The following LRRTM4 variants were observed in gnomAD, a reference collection of about 807,000 sequenced individuals.
The protein encoded by LRRTM4 is leucine rich repeat transmembrane neuronal 4.
Under a neutral mutation model 47.6 loss-of-function variants are expected in LRRTM4, and 25 were observed. That is an observed-to-expected ratio of 0.53 (90% CI 0.38 to 0.73). The LOEUF (loss-of-function observed/expected upper bound fraction) is 0.73, where lower values mean the gene tolerates loss of function less well. Among genes scored for constraint, LRRTM4 ranks in the 30% least tolerant of loss-of-function variants. LRRTM4 has a pLI of 0.00. For missense variants in LRRTM4, 638 were observed against 713.4 expected, an observed-to-expected ratio of 0.89 and a Z score of 1.20; for synonymous variants, 311 against 269.5, an observed-to-expected ratio of 1.15 and a Z score of -1.51.
chr2:77,291,777 T>A (rs1676829978), intron 3 of LRRTM4, among the ~76,000 whole-genome samples: 1 of 152,054 alleles, frequency 6.6e-6, no homozygotes, highest in Admixed American at 6.6e-5. Flanking sequence ...CCCATTTGAT[T>A]ACTTCTCTAA....
In LRRTM4 at chr2:77,519,169, T is replaced by C. The variant is rs889397358; in HGVS notation, c.700A>G (p.Ile234Val). 4 of 1,613,108 alleles carry C rather than the reference T, an allele frequency of 2.5e-6. No individual in the cohort carries two copies. The highest frequency in any genetic ancestry group is 1.3e-5 in the African/African-American group (1 of 74,862). ...HFPRLFNLRS[I>V]YLQWNRIRSI... ...CGAATCCTGTTCCATTGTAAGTAAA[T>C]TGAGCGGAGGTTGAAGAGACGTGGA... Residue 234 changes from isoleucine to valine, a missense_variant, in exon 3 of 4, where the codon ATT (isoleucine) becomes GTT (valine). Transcript: ENST00000409884. The surrounding 1 kb of genome is among the most constrained non-coding windows in gnomAD (Gnocchi z 4.6).
At chr2:77,445,618 C>T (rs546727439) in intron 3 of LRRTM4, among the ~76,000 whole-genome samples, 22 of 152,146 alleles carry the variant, frequency 1.4e-4, no homozygotes, top group African/African-American at 4.6e-4. Context: ...TGGAAATAAG[C>T]TTAACATGCT....
chr2:76,863,196 G>T (rs1367367728), intron 3 of LRRTM4, among the ~76,000 whole-genome samples: 1 of 152,118 alleles, frequency 6.6e-6, no homozygotes, highest in Non-Finnish European at 1.5e-5. Flanking sequence ...CAGCTACCAA[G>T]AGCCAGGTAC....
chr2:77,183,270 G>C (rs1056949885), intron 3 of LRRTM4, among the ~76,000 whole-genome samples: 3 of 152,112 alleles, frequency 2.0e-5, no homozygotes, highest in Admixed American at 2.0e-4. Context: ...CGTGGGTGAA[G>C]GATATGAACA....
At chr2:77,036,883 A>C (rs773163324) in intron 3 of LRRTM4, among the ~76,000 whole-genome samples, 16 of 151,886 alleles carry the variant, frequency 1.1e-4, no homozygotes, top group Non-Finnish European at 1.6e-4. Context: ...CTGATCAAGA[A>C]AGACATATAG....
intron 3 of LRRTM4, among the ~76,000 whole-genome samples, chr2:76,848,247 A>G (rs1016563181): frequency 2.0e-5 from 3 of 152,164 alleles, no homozygotes; most frequent in Non-Finnish European, 2.9e-5. Flanking sequence ...ATTTTCCAAC[A>G]TACTAAACAC....
rs144851332 is a variant in LRRTM4 at position 76,888,927 on chromosome 2, T to C, written c.1552-140011A>G. 3.9e-3 allele frequency among the ~76,000 whole-genome samples: 597 copies of C among 152,040 alleles called. 1 individual carries two copies. The highest frequency in any genetic ancestry group is 0.014 in the African/African-American group (572 of 41,560). Reference sequence around the variant, plus strand: ...GACTAAATTATTCAATTAAGACATGTTATGAATCTAAAGTTCCTATATAAA... The same window carrying C: ...GACTAAATTATTCAATTAAGACATGCTATGAATCTAAAGTTCCTATATAAA... On this transcript the variant is annotated intron_variant, in intron 3 of 3. Coordinates refer to ENST00000409884, the MANE Select transcript of LRRTM4 (RefSeq NM_001134745.3).
chr2:76,957,478 A>T (rs777106935), intron 3 of LRRTM4, among the ~76,000 whole-genome samples: 2 of 151,804 alleles, frequency 1.3e-5, no homozygotes, highest in East Asian at 3.9e-4. Flanking sequence ...GCTTTACTTG[A>T]TTTTAAAATC....
chr2:76,770,858 T>A (rs1427431304), intron 3 of LRRTM4, among the ~76,000 whole-genome samples: 1 of 152,202 alleles, frequency 6.6e-6, no homozygotes, highest in Non-Finnish European at 1.5e-5. Context: ...GGAGAGCTTT[T>A]CTAGGTCAAC....
At chr2:77,075,075 GATTTA>G (rs898075322) in intron 3 of LRRTM4, among the ~76,000 whole-genome samples, 1 of 152,022 alleles carries the variant, frequency 6.6e-6, no homozygotes, top group African/African-American at 2.4e-5. Flanking sequence ...AAAAATTTAA[GATTTA>G]TTTTATTTTA....
chr2:77,060,387 A>T (rs1679747453), intron 3 of LRRTM4, among the ~76,000 whole-genome samples: 1 of 152,164 alleles, frequency 6.6e-6, no homozygotes, highest in African/African-American at 2.4e-5. Flanking sequence ...AAGAATTCAG[A>T]TTAAATGTCC....
chr2:77,003,495 C>G (rs564891488), intron 3 of LRRTM4, among the ~76,000 whole-genome samples: 10 of 152,208 alleles, frequency 6.6e-5, no homozygotes, highest in African/African-American at 2.2e-4. Flanking sequence ...CTCAAGAGAT[C>G]TGATGGTTTT....
intron 3 of LRRTM4, among the ~76,000 whole-genome samples, chr2:76,971,240 G>A (rs1398114397): frequency 6.6e-6 from 1 of 151,994 alleles, no homozygotes; most frequent in Non-Finnish European, 1.5e-5. Flanking sequence ...TCTGTAGTTT[G>A]TTAAAAATGT....
chr2:76,986,237 C>A (rs1003159370), intron 3 of LRRTM4, among the ~76,000 whole-genome samples: 1 of 149,972 alleles, frequency 6.7e-6, no homozygotes, highest in African/African-American at 2.5e-5. Context: ...AAATTCTGTT[C>A]TTTTAGTTGT....
intron 3 of LRRTM4, among the ~76,000 whole-genome samples, chr2:77,025,973 A>C (rs1678439845): frequency 6.6e-6 from 1 of 152,158 alleles, no homozygotes; most frequent in African/African-American, 2.4e-5. Flanking sequence ...ACACGATTGC[A>C]CATGTTTCCT....
intron 3 of LRRTM4, among the ~76,000 whole-genome samples, chr2:77,498,206 AAAT>A (rs1363851916): frequency 1.3e-5 from 2 of 151,862 alleles, no homozygotes; most frequent in Non-Finnish European, 2.9e-5. Flanking sequence ...CAATTGGAAG[AAAT>A]CTTTCATCAA....
At chr2:76,815,029 C>T (rs1008235626) in intron 3 of LRRTM4, among the ~76,000 whole-genome samples, 4 of 151,810 alleles carry the variant, frequency 2.6e-5, no homozygotes, top group East Asian at 1.9e-4. Flanking sequence ...AGATGAGAAG[C>T]GGAGACGTGT....
At chr2:77,118,644 T>A (rs376554969) in intron 3 of LRRTM4, among the ~76,000 whole-genome samples, 4 of 151,882 alleles carry the variant, frequency 2.6e-5, no homozygotes, top group African/African-American at 9.7e-5. Flanking sequence ...CTGAATGCAA[T>A]AGACATGTTT....
intron 3 of LRRTM4, among the ~76,000 whole-genome samples, chr2:77,074,815 A>G (rs1205590355): frequency 6.6e-6 from 1 of 152,204 alleles, no homozygotes; most frequent in Non-Finnish European, 1.5e-5. Context: ...TTGGCACTGA[A>G]AAGTTGTGTC....
Sources: allele counts gnomAD v4.1 joint callset (sites outside exome capture counted in the v4.1 genomes callset), GRCh38; gene constraint gnomAD v4.1.1; non-coding constraint Gnocchi (gnomAD v3.1); transcripts MANE v1.5; gene names NCBI Gene and HGNC (gene_info 2026-07-23, HGNC 2026-07-21).